Variants in ZNRF3 observed in about 807,000 individuals in gnomAD.
The protein encoded by ZNRF3 is zinc and ring finger 3.
In ZNRF3, 23 loss-of-function variants were observed where a neutral mutation model predicts 72.5. That is an observed-to-expected ratio of 0.32 (90% CI 0.23 to 0.45). ZNRF3 has a LOEUF of 0.45. ZNRF3 is among the 20% of genes least tolerant of loss of function. The pLI is 1.00. For missense variants in ZNRF3, 1,169 were observed against 1,272.1 expected (o/e 0.92, Z 1.23); for synonymous variants, 610 against 545.3 (o/e 1.12, Z -1.65).
Position 28,883,732 on chromosome 22 carries a change from C to T in ZNRF3, c.-35C>T, listed in dbSNP as rs1400417943. On this transcript the variant is annotated 5_prime_UTR_variant, in exon 1 of 9. Coordinates refer to ENST00000544604, the MANE Select transcript of ZNRF3 (RefSeq NM_001206998.2). This position sits in a 1 kb window ranked among gnomAD's most constrained non-coding sequence, Gnocchi z 5.5. ...CAGCCGGCCCGCGACTATGCCCGGCCGCGCCCGCCCTCCGCGCCCTCCCGC... is the reference window on the plus strand; with the variant it reads ...CAGCCGGCCCGCGACTATGCCCGGCTGCGCCCGCCCTCCGCGCCCTCCCGC... 26 of 982,092 alleles carry T rather than the reference C, an allele frequency of 2.6e-5. No individual in the cohort carries two copies. The highest frequency in any genetic ancestry group is 5.2e-4 in the Middle Eastern group (1 of 1,924). The allele number at this position is 982,092 out of a possible 1,614,324, so 60.8% of individuals were successfully genotyped here.
intron 1 of ZNRF3, among the ~76,000 whole-genome samples, chr22:28,891,454 C>G (rs1194601745): frequency 6.6e-6 from 1 of 152,256 alleles, no homozygotes; most frequent in African/African-American, 2.4e-5. Flanking sequence ...GTCTTCCTCC[C>G]TGTCAGAGCT....
intron 2 of ZNRF3, among the ~76,000 whole-genome samples, chr22:29,028,375 T>C (rs1039113109): frequency 1.3e-5 from 2 of 152,172 alleles, no homozygotes; most frequent in Non-Finnish European, 2.9e-5. Context: ...TTATGTTGAC[T>C]ACATGAGCTG....
intron 1 of ZNRF3, among the ~76,000 whole-genome samples, chr22:28,907,058 C>G (rs2034220840): frequency 6.6e-6 from 1 of 151,516 alleles, no homozygotes. Context: ...TCTCAGCTCA[C>G]TGCAACCTCC....
At chr22:28,937,215 A>ATTTTTTTT (rs370829828) in intron 1 of ZNRF3, among the ~76,000 whole-genome samples, 7 of 8,846 alleles carry the variant, frequency 7.9e-4, no homozygotes, top group African/African-American at 1.3e-3. Context: ...ATATATATAT[A>ATTTTTTTT]TTTTTTTTTT....
At chr22:29,006,835 C>A (rs540121943) in intron 2 of ZNRF3, among the ~76,000 whole-genome samples, 1 of 152,318 alleles carries the variant, frequency 6.6e-6, no homozygotes, top group East Asian at 1.9e-4. Flanking sequence ...CCACATGTAG[C>A]ATTTTAAGGG....
intron 2 of ZNRF3, among the ~76,000 whole-genome samples, chr22:28,997,738 A>T (rs1045269874): frequency 6.6e-6 from 1 of 152,140 alleles, no homozygotes; most frequent in Non-Finnish European, 1.5e-5. Flanking sequence ...GTGGCTGGGT[A>T]CAGTGGCTCA....
Position 29,052,691 on chromosome 22 carries a change from CAA to C in ZNRF3, c.2768-872_2768-871del, listed in dbSNP as rs35759703. 5.5e-3 allele frequency among the ~76,000 whole-genome samples: 647 copies of C among 118,246 alleles called. 1 individual carries two copies. The highest frequency in any genetic ancestry group is 0.016 in the African/African-American group (492 of 31,644). The allele number at this position is 118,246 out of a possible 152,430, so 77.6% of individuals were successfully genotyped here. A position where few individuals can be genotyped will look rare whatever the true frequency, so the allele number is the denominator to read the frequency against. ...CTGGCGACAGAGCGAGACTCCGTCT[CAA>C]AAAAAAAAAAAAAAAGTTAACTCCT... On this transcript the variant is annotated intron_variant, in intron 8 of 8. Transcript: ENST00000544604.
chr22:28,968,691 A>T (rs1478932542), intron 1 of ZNRF3, among the ~76,000 whole-genome samples: 5 of 152,218 alleles, frequency 3.3e-5, no homozygotes, highest in Non-Finnish European at 7.3e-5. Context: ...CCTGGGCGAT[A>T]AGAGTGAAAC....
At chr22:29,014,181 C>T (rs1405102594) in intron 2 of ZNRF3, among the ~76,000 whole-genome samples, 2 of 152,136 alleles carry the variant, frequency 1.3e-5, no homozygotes, top group Non-Finnish European at 2.9e-5. Flanking sequence ...GCAAGGATCC[C>T]AGCCAAAATC....
intron 1 of ZNRF3, among the ~76,000 whole-genome samples, chr22:28,892,849 C>G (rs2033914770): frequency 6.6e-6 from 1 of 152,090 alleles, no homozygotes; most frequent in South Asian, 2.1e-4. Flanking sequence ...GACTTCTGGC[C>G]TCCTGGTGCA....
chr22:28,949,848 A>C (rs1326030681), intron 1 of ZNRF3, among the ~76,000 whole-genome samples: 1 of 152,192 alleles, frequency 6.6e-6, no homozygotes, highest in Admixed American at 6.5e-5. Context: ...AAAAAAGTTG[A>C]CTAGTTTGGC....
At chr22:28,966,087 G>A (rs1159048448) in intron 1 of ZNRF3, among the ~76,000 whole-genome samples, 1 of 152,178 alleles carries the variant, frequency 6.6e-6, no homozygotes, top group Non-Finnish European at 1.5e-5. Flanking sequence ...ATAAATTGGT[G>A]ATTTTCCCGC....
At position 28,883,623 on chromosome 22, in the gene ZNRF3, G is replaced by T. The variant is rs903269809; in HGVS notation, c.-144G>T. Reference sequence around the variant, plus strand: ...AAGGGCCGCGGCGCGACGGCCGGGGGAGCCGAGCTGAGCCTGCGACCCACA... The same window carrying T: ...AAGGGCCGCGGCGCGACGGCCGGGGTAGCCGAGCTGAGCCTGCGACCCACA... On this transcript the variant is annotated 5_prime_UTR_variant, in exon 1 of 9. Transcript: ENST00000544604. The surrounding 1 kb of genome is among the most constrained non-coding windows in gnomAD (Gnocchi z 5.5). 6.2e-6 allele frequency: 5 copies of T among 810,240 alleles called. No homozygotes were observed. Among genetic ancestry groups the T allele is most frequent in the Non-Finnish European group, 6.0e-6 (4 of 669,748 alleles). The allele number at this position is 810,240 out of a possible 1,614,324, so 50.2% of individuals were successfully genotyped here. A position where few individuals can be genotyped will look rare whatever the true frequency, so the allele number is the denominator to read the frequency against.
chr22:28,939,535 A>C (rs1237554509), intron 1 of ZNRF3, among the ~76,000 whole-genome samples: 2 of 151,530 alleles, frequency 1.3e-5, no homozygotes, highest in African/African-American at 4.9e-5. Flanking sequence ...TTTATCTCTA[A>C]GACCAAATCC....
In ZNRF3 at chr22:29,050,115, A is replaced by G. The variant is rs757119018; in HGVS notation, c.1934A>G (p.Glu645Gly). ...CACAGTCATGGTGCTGGGCGGGGCG[A>G]GCCTTGGCCGGGCCCTGCCTCTCCC... ...AVHSHGAGRG[E>G]PWPGPASPSG... Residue 645 changes from glutamate to glycine, a missense_variant, in exon 8 of 9, where the codon GAG becomes GGG. Physicochemically the swap from Glu to Gly is moderately conservative, Grantham distance 98. Coordinates refer to ENST00000544604, the MANE Select transcript of ZNRF3 (RefSeq NM_001206998.2). 1.9e-6 allele frequency: 3 copies of G among 1,607,286 alleles called. No individual in the cohort carries two copies. The highest frequency in any genetic ancestry group is 2.5e-6 in the Non-Finnish European group (3 of 1,179,712).
At chr22:28,885,121 G>C (rs1488166400) in intron 1 of ZNRF3, among the ~76,000 whole-genome samples, 1 of 152,172 alleles carries the variant, frequency 6.6e-6, no homozygotes, top group Non-Finnish European at 1.5e-5. Context: ...GGTGAGTTAT[G>C]AATGAAAAGA....
chr22:28,989,710 C>T (rs540307767), intron 2 of ZNRF3, among the ~76,000 whole-genome samples: 23 of 152,234 alleles, frequency 1.5e-4, no homozygotes, highest in Admixed American at 6.5e-4. Flanking sequence ...CCGCTGCAGG[C>T]GGGCCAGGCA....
At chr22:28,913,879 T>C (rs1439415791) in intron 1 of ZNRF3, among the ~76,000 whole-genome samples, 3 of 152,048 alleles carry the variant, frequency 2.0e-5, no homozygotes, top group African/African-American at 7.2e-5. Flanking sequence ...TACCAAACTT[T>C]GGGTACTGTG....
At chr22:29,027,448 C>T (rs1441596312) in intron 2 of ZNRF3, among the ~76,000 whole-genome samples, 5 of 152,054 alleles carry the variant, frequency 3.3e-5, no homozygotes, top group Non-Finnish European at 5.9e-5. Flanking sequence ...GGGGTTTCAC[C>T]ATGTTGGCCA....
Sources: gnomAD v4.1 joint callset for allele counts (sites outside exome capture counted in the v4.1 genomes callset) on GRCh38, gnomAD v4.1.1 for gene constraint, Gnocchi (gnomAD v3.1) non-coding constraint, MANE v1.5 for transcripts, NCBI Gene and HGNC (gene_info 2026-07-23, HGNC 2026-07-21) for gene names.